CNBD1: variants seen among roughly 807,000 people sequenced by gnomAD.
CNBD1 encodes cyclic nucleotide-binding domain-containing protein 1.
CNBD1 carries 71 observed loss-of-function variants against 54.4 expected under a neutral mutation model. That is an observed-to-expected ratio of 1.30 (90% confidence interval 1.08 to 1.59). The LOEUF is 1.59. CNBD1 is among the 40% of genes most tolerant of loss of function. CNBD1 has a pLI of 0.00. For missense variants in CNBD1, 659 were observed against 518.0 expected (o/e 1.27, Z -2.64); for synonymous variants, 182 against 170.7 (o/e 1.07, Z -0.51).
At chr8:86,923,472 A>C (rs1809309169) in intron 3 of CNBD1, among the ~76,000 whole-genome samples, 1 of 152,072 alleles carries the variant, frequency 6.6e-6, no homozygotes, top group Admixed American at 6.6e-5. Context: ...AACTTTTGGA[A>C]GCTGGTGTTA....
At chr8:87,033,657 A>G (rs755872540) in intron 4 of CNBD1, among the ~76,000 whole-genome samples, 2 of 152,130 alleles carry the variant, frequency 1.3e-5, no homozygotes, top group African/African-American at 4.8e-5. Flanking sequence ...TTCCTTACTA[A>G]TAAATATACT....
intron 3 of CNBD1, among the ~76,000 whole-genome samples, chr8:86,920,149 T>G (rs1809248685): frequency 6.6e-6 from 1 of 152,202 alleles, no homozygotes. Flanking sequence ...GTGTATGATC[T>G]TTGGTCATAA....
At chr8:86,993,652 CA>C (rs1457909207) in intron 4 of CNBD1, among the ~76,000 whole-genome samples, 8 of 152,150 alleles carry the variant, frequency 5.3e-5, no homozygotes, top group Non-Finnish European at 1.0e-4. Flanking sequence ...TTCAGAGGGA[CA>C]AGGCTCTGTA....
rs71502682 is a variant in CNBD1, at chr8:87,323,809, G to C, written c.1043-27876G>C. On this transcript the variant is annotated intron_variant, in intron 8 of 10. Coordinates refer to ENST00000518476, the MANE Select transcript of CNBD1 (RefSeq NM_173538.3). ...TACCCTTTATTTCCTTCTCCTGCCT[G>C]ATTGCCCTGGCCAGAACTTCCAACA... is the stretch of plus-strand genomic sequence containing the variant. Among the ~76,000 whole-genome samples, 5 of 103,604 alleles carry C rather than the reference G, an allele frequency of 4.8e-5. 1 individual carries two copies. In the East Asian group the frequency reaches 6.8e-4, roughly 14 times the overall value. 68.0% of individuals were successfully genotyped at this position (103,604 alleles called of 152,430 possible).
At chr8:87,340,607 G>GTT (rs200849430) in intron 8 of CNBD1, among the ~76,000 whole-genome samples, 1 of 148,198 alleles carries the variant, frequency 6.7e-6, no homozygotes, top group East Asian at 1.9e-4. Flanking sequence ...TTCTGTTGTT[G>GTT]TTTTTTTTCC....
At chr8:87,232,938 A>ATTGTTAAC (rs1462398776) in intron 5 of CNBD1, among the ~76,000 whole-genome samples, 3 of 152,126 alleles carry the variant, frequency 2.0e-5, no homozygotes, top group African/African-American at 7.2e-5. Flanking sequence ...ATTGTTAACT[A>ATTGTTAAC]ATTTAATTAT....
intron 4 of CNBD1, among the ~76,000 whole-genome samples, chr8:87,164,867 A>G (rs564832946): frequency 6.6e-6 from 1 of 151,708 alleles, no homozygotes; most frequent in African/African-American, 2.4e-5. Flanking sequence ...GTATGAAGGT[A>G]GTTTATTTAT....
chr8:87,266,953 A>G (rs190774264), intron 6 of CNBD1, among the ~76,000 whole-genome samples: 236 of 152,058 alleles, frequency 1.6e-3, no homozygotes, highest in Non-Finnish European at 2.8e-3. Flanking sequence ...TCTTTTCTTC[A>G]TGGTATCATA....
intron 4 of CNBD1, among the ~76,000 whole-genome samples, chr8:87,003,612 T>C (rs1334131340): frequency 1.3e-5 from 2 of 152,194 alleles, no homozygotes; most frequent in Non-Finnish European, 2.9e-5. Flanking sequence ...TAAATCCCTT[T>C]ATTTTATTTT....
At chr8:87,052,261 T>C (rs1020257174) in intron 4 of CNBD1, among the ~76,000 whole-genome samples, 1 of 152,208 alleles carries the variant, frequency 6.6e-6, no homozygotes, top group Non-Finnish European at 1.5e-5. Context: ...TCCTATAGCC[T>C]GCTTCCATAG....
At chr8:86,961,421 A>G (rs1807926443) in intron 4 of CNBD1, among the ~76,000 whole-genome samples, 1 of 152,212 alleles carries the variant, frequency 6.6e-6, no homozygotes, top group Non-Finnish European at 1.5e-5. Context: ...AGCAGCACAA[A>G]ACCCTGGATA....
At chr8:87,106,619 C>G (rs1170779698) in intron 4 of CNBD1, among the ~76,000 whole-genome samples, 1 of 152,150 alleles carries the variant, frequency 6.6e-6, no homozygotes, top group Non-Finnish European at 1.5e-5. Flanking sequence ...TTTAATTAAA[C>G]TTCTGTATCC....
At chr8:86,869,040 T>C (rs1425128810) in intron 1 of CNBD1, among the ~76,000 whole-genome samples, 1 of 152,156 alleles carries the variant, frequency 6.6e-6, no homozygotes, top group Non-Finnish European at 1.5e-5. Context: ...AGGCAGCCTC[T>C]AGAAGCAGGG....
chr8:87,036,594 TA>T (rs58299323), intron 4 of CNBD1, among the ~76,000 whole-genome samples: 3,181 of 64,624 alleles, frequency 0.049, 133 homozygotes, highest in African/African-American at 0.17. Context: ...ACTGCATCTC[TA>T]AAAAAAAAAA....
intron 1 of CNBD1, among the ~76,000 whole-genome samples, chr8:86,876,538 T>C (rs1808523556): frequency 6.6e-6 from 1 of 151,776 alleles, no homozygotes; most frequent in Non-Finnish European, 1.5e-5. Context: ...TCTATATTTT[T>C]TCTGTTTTAT....
intron 4 of CNBD1, among the ~76,000 whole-genome samples, chr8:87,042,681 T>C (rs1455271911): frequency 6.6e-6 from 1 of 152,172 alleles, no homozygotes; most frequent in Non-Finnish European, 1.5e-5. Context: ...TATATTCATC[T>C]GTTTTCAGAG....
intron 6 of CNBD1, among the ~76,000 whole-genome samples, chr8:87,253,992 G>C (rs1384562362): frequency 6.6e-6 from 1 of 152,200 alleles, no homozygotes; most frequent in African/African-American, 2.4e-5. Flanking sequence ...AATTAGAGGA[G>C]AGAAAAAGAA....
intron 4 of CNBD1, among the ~76,000 whole-genome samples, chr8:87,074,353 G>A (rs1810823040): frequency 1.3e-5 from 2 of 152,166 alleles, no homozygotes; most frequent in African/African-American, 4.8e-5. Context: ...GTCTTAACTT[G>A]TGAGGTGCTG....
intron 4 of CNBD1, among the ~76,000 whole-genome samples, chr8:87,070,707 T>C (rs1057416174): frequency 5.3e-5 from 8 of 152,022 alleles, no homozygotes; most frequent in Non-Finnish European, 1.0e-4. Flanking sequence ...CTGGATTAGA[T>C]TGGGAGGGGT....
Sources: allele counts gnomAD v4.1 joint callset (sites outside exome capture counted in the v4.1 genomes callset), GRCh38; gene constraint gnomAD v4.1.1; transcripts MANE v1.5; gene names NCBI Gene and HGNC (gene_info 2026-07-23, HGNC 2026-07-21).